Variants in FRMPD4 observed in about 807,000 individuals in gnomAD.
FRMPD4 encodes the protein FERM and PDZ domain-containing protein 4.
Under a neutral mutation model 94.1 loss-of-function variants are expected in FRMPD4, and 22 were observed. That is an observed-to-expected ratio of 0.23 (90% confidence interval 0.17 to 0.33). The LOEUF is 0.33. Ranked by LOEUF, FRMPD4 falls within the 10% of genes least tolerant of loss-of-function variation. FRMPD4 has a pLI of 1.00. For synonymous variants in FRMPD4, 631 were observed against 548.6 expected, an observed-to-expected ratio of 1.15 and a Z score of -2.10; for missense variants, 1,111 against 1,339.9, an observed-to-expected ratio of 0.83 and a Z score of 2.67.
intron 3 of FRMPD4, among the ~76,000 whole-genome samples, chrX:11,984,306 C>A (rs2054414749): frequency 8.9e-6 from 1 of 112,331 alleles, no homozygotes; most frequent in Non-Finnish European, 1.9e-5. Flanking sequence ...TTGCCATGAC[C>A]TTTGCTCTTG....
chrX:12,471,184 C>T, intron 1 of FRMPD4, among the ~76,000 whole-genome samples: 2 of 111,649 alleles, frequency 1.8e-5, no homozygotes, highest in Non-Finnish European at 3.8e-5. Context: ...AGGACCCCAG[C>T]TGAGTCTGCC....
At chrX:11,850,288 A>G (rs183752057) in intron 1 of FRMPD4, among the ~76,000 whole-genome samples, 23 of 112,642 alleles carry the variant, frequency 2.0e-4, no homozygotes, top group African/African-American at 7.4e-4. Flanking sequence ...AAAACAGAAA[A>G]TAACAAGTGT....
intron 1 of FRMPD4, among the ~76,000 whole-genome samples, chrX:12,480,333 G>GAAAAAAAAAGAAA (rs2057666177): frequency 1.8e-5 from 1 of 54,670 alleles, no homozygotes; most frequent in African/African-American, 7.5e-5. Flanking sequence ...GAAAAGAAAT[G>GAAAAAAAAAGAAA]AAAAAAAAAA....
chrX:12,549,473 G>C (rs906978753), intron 2 of FRMPD4, among the ~76,000 whole-genome samples: 1 of 112,414 alleles, frequency 8.9e-6, no homozygotes, highest in African/African-American at 3.2e-5. Flanking sequence ...ACATTCTATA[G>C]CTGAAGTTAA....
intron 1 of FRMPD4, among the ~76,000 whole-genome samples, chrX:12,262,582 A>G (rs1299517620): frequency 1.8e-5 from 2 of 112,439 alleles, no homozygotes; most frequent in Non-Finnish European, 3.8e-5. Flanking sequence ...AAAAGTTAAT[A>G]TGTGAATAAC....
chrX:12,051,591 G>C (rs2054819300), intron 3 of FRMPD4, among the ~76,000 whole-genome samples: 1 of 112,057 alleles, frequency 8.9e-6, no homozygotes, highest in African/African-American at 3.2e-5. Context: ...AGATAACATT[G>C]AGAAAGCTAA....
intron 1 of FRMPD4, among the ~76,000 whole-genome samples, chrX:12,284,694 C>T (rs180800492): frequency 2.7e-5 from 3 of 111,789 alleles, no homozygotes; most frequent in Middle Eastern, 9.2e-3. Context: ...GTGAAGATGT[C>T]GTCCTGTATT....
intron 3 of FRMPD4, among the ~76,000 whole-genome samples, chrX:12,133,002 C>T (rs184173573): frequency 1.5e-3 from 166 of 109,708 alleles, no homozygotes; most frequent in Non-Finnish European, 2.8e-3. Flanking sequence ...TTTGAATGCA[C>T]ATGGGAATGG....
intron 2 of FRMPD4, among the ~76,000 whole-genome samples, chrX:12,558,517 C>T (rs1253874217): frequency 8.9e-6 from 1 of 112,677 alleles, no homozygotes; most frequent in Non-Finnish European, 1.9e-5. Context: ...TAATTCAAGA[C>T]ATATCCCCAG....
chrX:11,882,655 A>T (rs1309537338), intron 3 of FRMPD4, among the ~76,000 whole-genome samples: 1 of 112,131 alleles, frequency 8.9e-6, no homozygotes, highest in African/African-American at 3.2e-5. Flanking sequence ...TGAAACATAA[A>T]TGAATTTCAT....
At chrX:12,309,366 TA>T (rs762254895) in intron 1 of FRMPD4, among the ~76,000 whole-genome samples, 3 of 108,922 alleles carry the variant, frequency 2.8e-5, no homozygotes, top group Admixed American at 9.8e-5. Context: ...TTAAAAAAAA[TA>T]AAAAAAAAGT....
intron 4 of FRMPD4, among the ~76,000 whole-genome samples, chrX:12,634,627 T>C (rs763878632): frequency 3.6e-5 from 4 of 111,132 alleles, no homozygotes; most frequent in African/African-American, 9.8e-5. Flanking sequence ...AAGTACCAAA[T>C]TTGGAGAAAG....
chrX:12,312,239 CTTTTTTTTTT>C (rs200625685), intron 1 of FRMPD4, among the ~76,000 whole-genome samples: 2 of 61,512 alleles, frequency 3.3e-5, no homozygotes, highest in Non-Finnish European at 6.0e-5. Flanking sequence ...TGCTCCATTA[CTTTTTTTTTT>C]TTTTTTTTTT....
intron 1 of FRMPD4, among the ~76,000 whole-genome samples, chrX:12,360,977 G>C (rs907725649): frequency 2.9e-5 from 3 of 103,049 alleles, no homozygotes; most frequent in African/African-American, 1.0e-4. Context: ...AAAAAAAACG[G>C]TAAGTATTTT....
At chrX:12,168,405 A>G (rs1384725030) in intron 1 of FRMPD4, among the ~76,000 whole-genome samples, 2 of 109,133 alleles carry the variant, frequency 1.8e-5, no homozygotes, top group African/African-American at 3.3e-5. Flanking sequence ...TTGCAGTGTG[A>G]TCGGAATGCC....
intron 9 of FRMPD4, among the ~76,000 whole-genome samples, chrX:12,701,058 T>C (rs4546860): frequency 0.1 from 10,924 of 104,183 alleles, 1,053 homozygotes; most frequent in East Asian, 0.72. Context: ...TGGGGTTTTG[T>C]TTTGGCTTCT....
chrX:12,306,351 T>A (rs2054942587), intron 1 of FRMPD4, among the ~76,000 whole-genome samples: 1 of 111,992 alleles, frequency 8.9e-6, no homozygotes, highest in Non-Finnish European at 1.9e-5. Flanking sequence ...GACATGTCTC[T>A]GATACCTACA....
intron 1 of FRMPD4, among the ~76,000 whole-genome samples, chrX:12,285,645 C>T (rs1309414043): frequency 1.8e-5 from 2 of 111,434 alleles, no homozygotes; most frequent in Non-Finnish European, 3.8e-5. Context: ...CTGTTGCTGA[C>T]CCAAATCTTT....
intron 2 of FRMPD4, among the ~76,000 whole-genome samples, chrX:12,518,247 C>T (rs1395143596): frequency 8.9e-6 from 1 of 111,748 alleles, no homozygotes; most frequent in Admixed American, 9.4e-5. Context: ...AGTCTCCAGC[C>T]GAGTGGCTGC....
Sources: gnomAD v4.1 joint callset for allele counts (sites outside exome capture counted in the v4.1 genomes callset) on GRCh38, gnomAD v4.1.1 for gene constraint, MANE v1.5 for transcripts, NCBI Gene and HGNC (gene_info 2026-07-23, HGNC 2026-07-21) for gene names.